Variants in TMPRSS9 observed in about 807,000 individuals in gnomAD.
The protein encoded by TMPRSS9 is transmembrane serine protease 9.
TMPRSS9 carries 113 observed loss-of-function variants against 111.4 expected under a neutral mutation model. The observed-to-expected ratio is 1.01, with a 90% CI of 0.87 to 1.19. The LOEUF (loss-of-function observed/expected upper bound fraction) is 1.19, where lower values mean the gene tolerates loss of function less well. TMPRSS9 is among the 50% of genes most tolerant of loss of function. The pLI, the probability that TMPRSS9 is intolerant of heterozygous loss-of-function variation, is 0.00. For missense variants in TMPRSS9, 1,803 were observed against 1,513.1 expected (o/e 1.19, Z -3.18); for synonymous variants, 805 against 659.1 (o/e 1.22, Z -3.39).
intron 1 of TMPRSS9, among the ~76,000 whole-genome samples, chr19:2,371,326 C>T (rs1970288902): frequency 6.6e-6 from 1 of 152,196 alleles, no homozygotes; most frequent in African/African-American, 2.4e-5. Flanking sequence ...CACACGGCTC[C>T]AGATGGTTCC....
chr19:2,379,629 CTT>C (rs1395685837), intron 1 of TMPRSS9, among the ~76,000 whole-genome samples: 63 of 143,464 alleles, frequency 4.4e-4, no homozygotes, highest in African/African-American at 1.5e-3. Context: ...TTCTTTCTTT[CTT>C]TCTTTCTTTC....
At position 2,421,841 on chromosome 19, in the gene TMPRSS9, C is replaced by T; in HGVS notation, c.2155-13C>T. On this transcript the variant is annotated splice_polypyrimidine_tract_variant and intron_variant, in intron 13 of 17. Transcript: ENST00000648592. ...CCTGGAGGACCAACCAGTGCTCTTTCCTTCCTTTCTAGGGTGACTCTGGGG... is the reference window on the plus strand; with the variant it reads ...CCTGGAGGACCAACCAGTGCTCTTTTCTTCCTTTCTAGGGTGACTCTGGGG... The T allele has an allele frequency of 6.3e-7, 1 of 1,579,590 alleles. No individual in the cohort carries two copies. The highest frequency in any genetic ancestry group is 8.6e-7 in the Non-Finnish European group (1 of 1,162,232).
At chr19:2,382,188 C>T (rs1252188599) in intron 1 of TMPRSS9, among the ~76,000 whole-genome samples, 1 of 152,096 alleles carries the variant, frequency 6.6e-6, no homozygotes, top group Non-Finnish European at 1.5e-5. Flanking sequence ...TAAACAGGGT[C>T]TCACTCTGTG....
intron 1 of TMPRSS9, among the ~76,000 whole-genome samples, chr19:2,378,265 C>T (rs1970354994): frequency 6.6e-6 from 1 of 152,152 alleles, no homozygotes; most frequent in South Asian, 2.1e-4. Flanking sequence ...TTAGGCATTA[C>T]TTATAGGGTG....
chr19:2,377,974 G>A (rs1970353274), intron 1 of TMPRSS9, among the ~76,000 whole-genome samples: 1 of 151,372 alleles, frequency 6.6e-6, no homozygotes, highest in Non-Finnish European at 1.5e-5. Context: ...GGGCTCGAGT[G>A]ATGAACCCTC....
intron 1 of TMPRSS9, among the ~76,000 whole-genome samples, chr19:2,362,917 T>C (rs1218992439): frequency 2.6e-5 from 4 of 151,384 alleles, no homozygotes. Flanking sequence ...TGTGTGGTAA[T>C]GTGTTGTGTG....
At chr19:2,390,231 G>T (rs1269945386) in intron 1 of TMPRSS9, among the ~76,000 whole-genome samples, 44 of 110,560 alleles carry the variant, frequency 4.0e-4, no homozygotes, top group South Asian at 1.3e-3. Context: ...ACCCAAAGTA[G>T]TTTTTTTTTT....
At chr19:2,361,670 C>A (rs1464211674) in intron 1 of TMPRSS9, among the ~76,000 whole-genome samples, 2 of 152,172 alleles carry the variant, frequency 1.3e-5, no homozygotes, top group Non-Finnish European at 2.9e-5. Flanking sequence ...CCAGGACAGG[C>A]GTCCGTGCTC....
intron 1 of TMPRSS9, among the ~76,000 whole-genome samples, chr19:2,394,592 C>T (rs967867925): frequency 1.5e-4 from 3 of 20,462 alleles, no homozygotes; most frequent in Non-Finnish European, 2.6e-4. Context: ...CCAGGGTGCT[C>T]GTGTTTCTTT....
upstream of TMPRSS9, among the ~76,000 whole-genome samples, chr19:2,387,505 G>T (rs1268993304): frequency 6.7e-6 from 1 of 148,234 alleles, no homozygotes; most frequent in African/African-American, 2.5e-5. Context: ...CAATAGAAAA[G>T]AAAGGAAAGG....
At chr19:2,408,265 C>A in intron 7 of TMPRSS9, 91 bp from the exon 9 acceptor site, 4 of 1,322,542 alleles carry the variant, frequency 3.0e-6, no homozygotes, top group Non-Finnish European at 4.2e-6. Context: ...GGGGATACCC[C>A]TTACATTTTG....
chr19:2,413,498 A>G (rs567562789), intron 9 of TMPRSS9, among the ~76,000 whole-genome samples: 23 of 152,320 alleles, frequency 1.5e-4, no homozygotes, highest in Non-Finnish European at 2.5e-4. Flanking sequence ...CTATAGTCCA[A>G]CTGTCTTGGG....
At position 2,408,637 on chromosome 19, in the gene TMPRSS9, A is replaced by G. The variant is rs760481291; in HGVS notation, c.1117+7A>G. On this transcript the variant is annotated splice_region_variant and intron_variant, in intron 8 of 17. Transcript: ENST00000648592. Reference sequence around the variant, plus strand: ...TACCTCAAGGAGGACTTCCGTAAGCATCTTCCTCGGCCTGCAAGTGAGCTC... The same window carrying G: ...TACCTCAAGGAGGACTTCCGTAAGCGTCTTCCTCGGCCTGCAAGTGAGCTC... 7 of 1,606,380 alleles carry G rather than the reference A, an allele frequency of 4.4e-6. No homozygotes were observed. The East Asian group carries it at 1.1e-4, about 26-fold the overall frequency.
intron 15 of TMPRSS9, 38 bp downstream of exon 16, chr19:2,424,295 T>G: frequency 1.5e-6 from 2 of 1,318,998 alleles, no homozygotes; most frequent in Non-Finnish European, 1.9e-6. Flanking sequence ...TACATGTCTC[T>G]GTAGCTCACC....
At chr19:2,394,680 ATACC>A (rs758695113) in intron 1 of TMPRSS9, among the ~76,000 whole-genome samples, 15 of 152,196 alleles carry the variant, frequency 9.9e-5, no homozygotes, top group Non-Finnish European at 1.8e-4. Context: ...GGCTACGTAA[ATACC>A]CATCTAGCAT....
At chr19:2,421,250 C>T (rs1003885565) in intron 13 of TMPRSS9, among the ~76,000 whole-genome samples, 1 of 151,898 alleles carries the variant, frequency 6.6e-6, no homozygotes, top group Non-Finnish European at 1.5e-5. Flanking sequence ...GGGGCTACTT[C>T]TAGATGGTGG....
intron 1 of TMPRSS9, among the ~76,000 whole-genome samples, chr19:2,391,372 TTC>T (rs1555677780): frequency 6.6e-6 from 1 of 150,790 alleles, no homozygotes; most frequent in Admixed American, 6.6e-5. Flanking sequence ...GTTTTTTTTT[TTC>T]TTTTTTCTTT....
At chr19:2,425,648 C>T in intron 17 of TMPRSS9, 155 bp downstream of exon 18, 2 of 1,347,876 alleles carry the variant, frequency 1.5e-6, no homozygotes, top group East Asian at 2.9e-5. Flanking sequence ...GGAGGAATTT[C>T]CACTCCACAG....
At chr19:2,404,325 CAGAA>C (rs1463260288) in intron 6 of TMPRSS9, among the ~76,000 whole-genome samples, 1 of 151,998 alleles carries the variant, frequency 6.6e-6, no homozygotes, top group Non-Finnish European at 1.5e-5. Context: ...AATATCCAAA[CAGAA>C]GGAGAGAAGC....
Sources: allele counts gnomAD v4.1 joint callset (sites outside exome capture counted in the v4.1 genomes callset), GRCh38; gene constraint gnomAD v4.1.1; transcripts MANE v1.5; gene names NCBI Gene and HGNC (gene_info 2026-07-23, HGNC 2026-07-21).